UCHL5: variants seen among roughly 807,000 people sequenced by gnomAD.
UCHL5 encodes ubiquitin carboxyl-terminal hydrolase isozyme L5.
A neutral mutation model predicts 53.8 loss-of-function variants in UCHL5; 34 were observed. The observed-to-expected ratio is 0.63, with a 90% CI of 0.48 to 0.84. The LOEUF (loss-of-function observed/expected upper bound fraction) is 0.84. Ranked by LOEUF, UCHL5 falls within the 40% of genes least tolerant of loss-of-function variation. The pLI is 0.00. For synonymous variants in UCHL5, 111 were observed against 126.3 expected, an observed-to-expected ratio of 0.88 and a Z score of 0.81; for missense variants, 290 against 385.6, an observed-to-expected ratio of 0.75 and a Z score of 2.08.
chr1:193,040,443 T>C (rs573154903), intron 3 of UCHL5, among the ~76,000 whole-genome samples: 60 of 152,254 alleles, frequency 3.9e-4, no homozygotes, highest in Non-Finnish European at 6.8e-4. Flanking sequence ...AACCGCAATG[T>C]TATCATCTCA....
chr1:193,051,861 T>G, intron 1 of UCHL5, 44 bp from the exon 2 acceptor site: 2 of 1,401,196 alleles, frequency 1.4e-6, no homozygotes, highest in South Asian at 1.3e-5. Context: ...GATAATTCAT[T>G]TTTTCCTTCA....
chr1:193,033,861 A>C (rs1197885472), intron 3 of UCHL5, among the ~76,000 whole-genome samples: 3 of 152,204 alleles, frequency 2.0e-5, no homozygotes, highest in Non-Finnish European at 4.4e-5. Context: ...AGAATAGAGA[A>C]GGAAATTCAC....
intron 3 of UCHL5, among the ~76,000 whole-genome samples, chr1:193,034,858 T>C (rs532521761): frequency 1.3e-4 from 20 of 152,050 alleles, no homozygotes; most frequent in South Asian, 4.1e-4. Flanking sequence ...ATCATCTCAA[T>C]AGAGGCAGAA....
intron 10 of UCHL5, chr1:193,018,606 G>A (rs909103650): frequency 5.6e-5 from 70 of 1,241,954 alleles, no homozygotes; most frequent in South Asian, 1.3e-4. Context: ...TAGCCATGCC[G>A]AGGGAGAATC....
chr1:193,018,902 C>T (rs959624245), intron 10 of UCHL5: 27 of 1,136,742 alleles, frequency 2.4e-5, no homozygotes, highest in Non-Finnish European at 3.2e-5. Context: ...AGAAGTATTA[C>T]CATTAAGTAA....
intron 7 of UCHL5, among the ~76,000 whole-genome samples, chr1:193,026,610 A>G (rs1659339425): frequency 6.6e-6 from 1 of 152,168 alleles, no homozygotes; most frequent in African/African-American, 2.4e-5. Context: ...GCTAAAAAGG[A>G]TGCAGAGGAA....
chr1:193,017,131 T>A (rs1210254641), intron 10 of UCHL5, among the ~76,000 whole-genome samples: 1 of 151,702 alleles, frequency 6.6e-6, no homozygotes, highest in Non-Finnish European at 1.5e-5. Flanking sequence ...GCAGACTGAT[T>A]TAGTAAAATG....
chr1:193,028,247 T>C (rs569884201), intron 6 of UCHL5, 99 bp from the exon 7 acceptor site: 265 of 1,071,790 alleles, frequency 2.5e-4, no homozygotes, highest in African/African-American at 2.2e-3. Context: ...ACAAATATTT[T>C]AATAAATTTA....
intron 3 of UCHL5, among the ~76,000 whole-genome samples, chr1:193,037,269 G>A (rs1323194690): frequency 2.6e-5 from 4 of 151,590 alleles, no homozygotes; most frequent in African/African-American, 4.8e-5. Flanking sequence ...AAAGAAAGAC[G>A]ATCCAAATAA....
intron 10 of UCHL5, chr1:193,020,202 A>G (rs1656430603): frequency 1.4e-6 from 2 of 1,380,304 alleles, no homozygotes; most frequent in Middle Eastern, 2.8e-4. Flanking sequence ...CAAAAAACTT[A>G]TTAGCTCACA....
chr1:193,049,787 CCA>C lies in UCHL5; in HGVS notation c.203_204del (p.Val68GlyfsTer7), dbSNP rs1281501795. The part of the protein sequence containing the change: ...WQPGEEPAGS[V>X]VQDSRLDTIF... The stretch of plus-strand genomic sequence containing the variant: ...ATCGTGTCAAGTCGGGAGTCCTGAA[CCA>C]CAGAGCCTGCTGGTTCTTCTCCTGG... On this transcript the variant is annotated frameshift_variant, in exon 3 of 11. Coordinates refer to ENST00000367454, the MANE Select transcript of UCHL5 (RefSeq NM_001199261.3). LOFTEE classifies it high-confidence loss of function. 5.6e-6 allele frequency: 9 copies of C among 1,612,996 alleles called. No homozygotes were observed. The highest frequency in any genetic ancestry group is 7.6e-6 in the Non-Finnish European group (9 of 1,179,298).
Position 193,013,194 on chromosome 1 carries a change from G to A in UCHL5, c.*3157C>T, listed in dbSNP as rs774849272. Reference sequence around the variant, plus strand: ...ACTGCAACATGTTCTAACATTAATAGTTCCAACAGTGAACTCCCTGACTGT... The same window carrying A: ...ACTGCAACATGTTCTAACATTAATAATTCCAACAGTGAACTCCCTGACTGT... On this transcript the variant is annotated 3_prime_UTR_variant, in exon 11 of 11. Transcript: ENST00000367454. 2.6e-5 allele frequency: 4 copies of A among 152,162 alleles called. No individual in the cohort carries two copies. The highest frequency in any genetic ancestry group is 5.9e-5 in the Non-Finnish European group (4 of 68,026). The allele number at this position is 152,162 out of a possible 1,614,324, so 9.4% of individuals were successfully genotyped here.
intron 7 of UCHL5, among the ~76,000 whole-genome samples, chr1:193,027,048 T>C (rs1364412034): frequency 1.3e-5 from 2 of 152,116 alleles, no homozygotes; most frequent in East Asian, 1.9e-4. Context: ...ACAAAAATTA[T>C]AGAATTAGGG....
chr1:193,038,681 C>A (rs1041159589), intron 3 of UCHL5, among the ~76,000 whole-genome samples: 7 of 152,078 alleles, frequency 4.6e-5, no homozygotes, highest in Non-Finnish European at 7.4e-5. Flanking sequence ...ACTCTTGGAA[C>A]TGATAAACGA....
chr1:193,044,847 A>C (rs1666863482), intron 3 of UCHL5, among the ~76,000 whole-genome samples: 1 of 152,194 alleles, frequency 6.6e-6, no homozygotes, highest in South Asian at 2.1e-4. Flanking sequence ...AAAGACTGAC[A>C]GATATTAATG....
chr1:193,034,345 T>A (rs1013757273), intron 3 of UCHL5, among the ~76,000 whole-genome samples: 6 of 151,818 alleles, frequency 4.0e-5, no homozygotes, highest in Admixed American at 2.0e-4. Context: ...TTTTGAAAAT[T>A]TAAGCTGAAA....
chr1:193,039,053 C>T (rs957139597), intron 3 of UCHL5, among the ~76,000 whole-genome samples: 1 of 152,068 alleles, frequency 6.6e-6, no homozygotes, highest in African/African-American at 2.4e-5. Context: ...TATATGCCAA[C>T]AGTGAATCTG....
chr1:193,042,892 G>A (rs1666064210), intron 3 of UCHL5, among the ~76,000 whole-genome samples: 1 of 152,074 alleles, frequency 6.6e-6, no homozygotes, highest in Non-Finnish European at 1.5e-5. Flanking sequence ...CACCTGGAAT[G>A]AAGACAACTT....
intron 7 of UCHL5, among the ~76,000 whole-genome samples, chr1:193,026,935 T>TA (rs897868188): frequency 2.0e-5 from 3 of 152,188 alleles, no homozygotes; most frequent in African/African-American, 7.2e-5. Context: ...GAACTACTGA[T>TA]ACACTTAAAA....
Sources: gnomAD v4.1 joint callset for allele counts (sites outside exome capture counted in the v4.1 genomes callset) on GRCh38, gnomAD v4.1.1 for gene constraint, MANE v1.5 for transcripts, NCBI Gene and HGNC (gene_info 2026-07-23, HGNC 2026-07-21) for gene names.